CROT: variants seen among roughly 807,000 people sequenced by gnomAD.
The protein encoded by CROT is peroxisomal carnitine O-octanoyltransferase.
Under a neutral mutation model 89.2 loss-of-function variants are expected in CROT, and 84 were observed. That is an observed-to-expected ratio of 0.94 (90% confidence interval 0.79 to 1.13). CROT has a LOEUF of 1.13. CROT is among the 50% of genes most tolerant of loss of function. The pLI is 0.00. For missense variants in CROT, 711 were observed against 727.8 expected, an observed-to-expected ratio of 0.98 and a Z score of 0.27; for synonymous variants, 212 against 239.5, an observed-to-expected ratio of 0.89 and a Z score of 1.06.
intron 7 of CROT, among the ~76,000 whole-genome samples, chr7:87,370,369 G>C (rs554895949): frequency 1.2e-4 from 18 of 152,156 alleles, no homozygotes; most frequent in African/African-American, 4.3e-4. Context: ...TTTTAGTAGG[G>C]ATGAGGTTTT....
intron 6 of CROT, among the ~76,000 whole-genome samples, chr7:87,364,541 G>A (rs1300861486): frequency 6.6e-6 from 1 of 152,206 alleles, no homozygotes; most frequent in Admixed American, 6.5e-5. Flanking sequence ...AGAGATGAAA[G>A]CAGATTGATG....
chr7:87,347,605 T>A (rs1022925083), intron 2 of CROT, among the ~76,000 whole-genome samples: 1 of 152,224 alleles, frequency 6.6e-6, no homozygotes, highest in East Asian at 1.9e-4. Context: ...TTATTTCTCA[T>A]TTTCAAATTA....
At chr7:87,391,563 T>TA (rs1173880889) in intron 13 of CROT, 26 bp from the exon 14 acceptor site, 1 of 1,579,990 alleles carries the variant, frequency 6.3e-7, no homozygotes, top group African/African-American at 1.4e-5. Context: ...TTTCTTATGA[T>TA]ACACTCTTTT....
intron 13 of CROT, among the ~76,000 whole-genome samples, chr7:87,385,841 A>C (rs1235842418): frequency 1.3e-5 from 2 of 152,088 alleles, no homozygotes; most frequent in African/African-American, 4.8e-5. Context: ...TATTGTTTTG[A>C]TGTATATTTC....
chr7:87,377,498 T>A, intron 10 of CROT, 48 bp downstream of exon 10: 1 of 1,068,650 alleles, frequency 9.4e-7, no homozygotes, highest in Non-Finnish European at 1.4e-6. Context: ...TAGGTTAAAT[T>A]AATGACAATA....
At chr7:87,397,918 C>T (rs1177302637) in intron 17 of CROT, among the ~76,000 whole-genome samples, 1 of 152,140 alleles carries the variant, frequency 6.6e-6, no homozygotes. Context: ...AAGTGGAAGA[C>T]TAGCTCTAAG....
Position 87,382,129 on chromosome 7 carries a change from A to G in CROT, c.1118A>G (p.Asp373Gly). Residue 373 changes from aspartate (D) to glycine (G), a missense_variant, in exon 12 of 18, where the codon GAT (aspartate) becomes GGT (glycine). Coordinates refer to ENST00000331536, the MANE Select transcript of CROT (RefSeq NM_021151.4). ...PLPEELIFIV[D>G]EKVLNDINQA... is the part of the protein sequence containing the mutation. ...CCAGAAGAGCTCATTTTCATTGTGG[A>G]TGAGAAAGTTTTAAATGACATCAAC... 6 of 1,613,712 alleles carry G rather than the reference A, an allele frequency of 3.7e-6. No individual in the cohort carries two copies. Among genetic ancestry groups the G allele is most frequent in the Non-Finnish European group, 5.1e-6 (6 of 1,179,772 alleles).
At chr7:87,388,417 C>T (rs146473857) in intron 13 of CROT, among the ~76,000 whole-genome samples, 1 of 152,174 alleles carries the variant, frequency 6.6e-6, no homozygotes, top group Non-Finnish European at 1.5e-5. Flanking sequence ...GTTACTGGTA[C>T]CAACACAGAT....
At chr7:87,378,041 A>AT (rs1314148757) in intron 10 of CROT, among the ~76,000 whole-genome samples, 2 of 152,038 alleles carry the variant, frequency 1.3e-5, no homozygotes, top group Non-Finnish European at 2.9e-5. Flanking sequence ...AACCAAGAAA[A>AT]TTTTTTATAA....
Position 87,377,375 on chromosome 7 carries a change from T to C in CROT, c.903T>C (p.Asp301=). 1.2e-6 allele frequency: 2 copies of C among 1,609,674 alleles called. No individual in the cohort carries two copies. Among genetic ancestry groups the C allele is most frequent in the Non-Finnish European group, 8.5e-7 (1 of 1,176,886 alleles). The change falls in exon 10 of 18, where the codon GAT becomes GAC. Residue 301 remains aspartate, a synonymous_variant. Coordinates refer to ENST00000331536, the MANE Select transcript of CROT (RefSeq NM_021151.4). ...TTATTGCAGCCATCCTTATTGGAGA[T>C]CCAACAGTACGCTGGGGTGACAAAT... ...SEIIAAILIG[D]PTVRWGDKSY...
At chr7:87,354,913 T>C (rs1246889833) in intron 3 of CROT, among the ~76,000 whole-genome samples, 4 of 152,166 alleles carry the variant, frequency 2.6e-5, no homozygotes, top group South Asian at 4.1e-4. Context: ...CTTTCATGAA[T>C]TCCCCTTCAC....
intron 17 of CROT, among the ~76,000 whole-genome samples, chr7:87,395,224 G>A (rs1807489173): frequency 6.6e-6 from 1 of 151,902 alleles, no homozygotes; most frequent in Non-Finnish European, 1.5e-5. Context: ...ATCTAGCACA[G>A]GAGAAAGATG....
intron 7 of CROT, among the ~76,000 whole-genome samples, chr7:87,369,971 C>T (rs1806579558): frequency 6.9e-6 from 1 of 144,672 alleles, no homozygotes; most frequent in South Asian, 2.1e-4. Flanking sequence ...CTAACTTCAA[C>T]AGTTACCAAC....
intron 17 of CROT, among the ~76,000 whole-genome samples, chr7:87,395,108 C>G (rs116314810): frequency 1.3e-5 from 2 of 152,126 alleles, no homozygotes; most frequent in African/African-American, 4.8e-5. Context: ...TTAACTCACA[C>G]GATCACAAGG....
chr7:87,355,103 A>ATTTT (rs35047228), intron 3 of CROT, among the ~76,000 whole-genome samples: 1 of 147,058 alleles, frequency 6.8e-6, no homozygotes, highest in African/African-American at 2.5e-5. Flanking sequence ...AAAAATATGT[A>ATTTT]TTTTTTTTTT....
intron 3 of CROT, among the ~76,000 whole-genome samples, chr7:87,353,551 T>A (rs1049511460): frequency 3.3e-5 from 5 of 152,192 alleles, no homozygotes; most frequent in African/African-American, 1.2e-4. Context: ...GCTGGGTAAT[T>A]TATTTTCAAA....
intron 3 of CROT, among the ~76,000 whole-genome samples, chr7:87,353,460 T>G (rs1382441789): frequency 6.6e-6 from 1 of 152,190 alleles, no homozygotes; most frequent in Non-Finnish European, 1.5e-5. Flanking sequence ...TTTAACTGAT[T>G]CTTTTCTAGT....
intron 13 of CROT, 68 bp downstream of exon 13, chr7:87,382,611 T>C (rs765492730): frequency 8.4e-5 from 126 of 1,492,082 alleles, no homozygotes; most frequent in Admixed American, 2.5e-4. Flanking sequence ...TTATAGCTAT[T>C]TCATCCTAAC....
At chr7:87,392,852 A>G in intron 16 of CROT, 29 bp downstream of exon 16, 2 of 1,609,370 alleles carry the variant, frequency 1.2e-6, no homozygotes, top group Non-Finnish European at 1.7e-6. Flanking sequence ...TTACAGCTTC[A>G]TCAATTGGCT....
Sources: gnomAD v4.1 joint callset for allele counts (sites outside exome capture counted in the v4.1 genomes callset) on GRCh38, gnomAD v4.1.1 for gene constraint, MANE v1.5 for transcripts, NCBI Gene and HGNC (gene_info 2026-07-23, HGNC 2026-07-21) for gene names.